Variants in PCDHGB1 observed in about 807,000 individuals in gnomAD.
PCDHGB1 encodes the protein protocadherin gamma subfamily B, 1.
Under a neutral mutation model 56.6 loss-of-function variants are expected in PCDHGB1, and 34 were observed. The observed-to-expected ratio is 0.60, with a 90% CI of 0.46 to 0.80. The LOEUF (loss-of-function observed/expected upper bound fraction) is 0.80. Among genes scored for constraint, PCDHGB1 ranks in the 30% least tolerant of loss-of-function variants. The probability of loss-of-function intolerance (pLI) is 0.00; values close to 1 mark genes in which losing one functional copy is unlikely to be tolerated. For synonymous variants in PCDHGB1, 561 were observed against 505.9 expected, an observed-to-expected ratio of 1.11 and a Z score of -1.46; for missense variants, 1,278 against 1,204.6, an observed-to-expected ratio of 1.06 and a Z score of -0.90.
Position 141,419,438 on chromosome 5 carries a change from A to G in PCDHGB1, c.2409+66769A>G, listed in dbSNP as rs764801455. On this transcript the variant is annotated intron_variant, in intron 1 of 3. Coordinates refer to ENST00000523390, the MANE Select transcript of PCDHGB1 (RefSeq NM_018922.3). ...CGCCTTCGACCACGAGCAGCTGCGC[A>G]CCTTCGAGCTCACGCTGCAGGCCCG... 8 of 1,613,138 alleles carry G rather than the reference A, an allele frequency of 5.0e-6. No homozygotes were observed. The highest frequency in any genetic ancestry group is 4.4e-5 in the South Asian group (4 of 91,044).
intron 1 of PCDHGB1, chr5:141,374,638 A>C (rs931155259): frequency 4.3e-6 from 7 of 1,612,946 alleles, no homozygotes; most frequent in Admixed American, 1.7e-5. Context: ...TGCAAAGCGA[A>C]GCCCATGGGC....
intron 1 of PCDHGB1, chr5:141,355,845 C>T (rs1479367504): frequency 1.2e-6 from 2 of 1,612,160 alleles, no homozygotes; most frequent in African/African-American, 2.7e-5. Context: ...TCACGGCCTT[C>T]GATGGAGGTG....
chr5:141,421,255 C>T lies in PCDHGB1; in HGVS notation c.2409+68586C>T, dbSNP rs759899934. On this transcript the variant is annotated intron_variant, in intron 1 of 3. Coordinates refer to ENST00000523390, the MANE Select transcript of PCDHGB1 (RefSeq NM_018922.3). ...GGCGAATCGGCTACAGCGCGGGGAC[C>T]GCAGTCGGCTGCTGCTGCTGCTGTG... 5.2e-5 allele frequency: 84 copies of T among 1,607,644 alleles called. No individual in the cohort carries two copies. Among genetic ancestry groups the T allele is most frequent in the Non-Finnish European group, 6.8e-5 (80 of 1,177,916 alleles).
At chr5:141,413,270 C>T (rs2095621736) in intron 1 of PCDHGB1, 5 of 1,613,924 alleles carry the variant, frequency 3.1e-6, no homozygotes, top group Non-Finnish European at 4.2e-6. Flanking sequence ...GAGGCTGGAG[C>T]CCGGCAGATC....
intron 1 of PCDHGB1, chr5:141,365,864 G>C (rs753111294): frequency 2.0e-5 from 32 of 1,613,886 alleles, no homozygotes; most frequent in Non-Finnish European, 8.5e-7. Context: ...CTCTGACACC[G>C]GTGTCCTGTA....
chr5:141,484,236 G>C (rs1272971014), intron 1 of PCDHGB1, among the ~76,000 whole-genome samples: 2 of 152,132 alleles, frequency 1.3e-5, no homozygotes, highest in Non-Finnish European at 2.9e-5. Context: ...AAGAGATCTG[G>C]TCCTTAGCAC....
At chr5:141,469,629 C>T (rs933972587) in intron 1 of PCDHGB1, among the ~76,000 whole-genome samples, 1 of 152,070 alleles carries the variant, frequency 6.6e-6, no homozygotes, top group Admixed American at 6.6e-5. Context: ...GTTTGTAGTT[C>T]CAAAATATTT....
rs766516627 is a variant in PCDHGB1 at position 141,398,178 on chromosome 5, C to G, written c.2409+45509C>G. The G allele has an allele frequency of 8.2e-6, 12 of 1,472,146 alleles. No individual in the cohort carries two copies. The South Asian group carries it at 8.4e-5, about 10-fold the overall frequency. The allele number at this position is 1,472,146 out of a possible 1,614,324, so 91.2% of individuals were successfully genotyped here. A position where few individuals can be genotyped will look rare whatever the true frequency, so the allele number is the denominator to read the frequency against. ...GCCGGGCTGAGAGGCTGCCAGTGCT[C>G]TTTCTCTTCCTGCTGTCTTTGTTCT... On this transcript the variant is annotated intron_variant, in intron 1 of 3. Coordinates refer to ENST00000523390, the MANE Select transcript of PCDHGB1 (RefSeq NM_018922.3).
intron 1 of PCDHGB1, chr5:141,376,511 A>T (rs1772759246): frequency 6.2e-7 from 1 of 1,613,966 alleles, no homozygotes; most frequent in Non-Finnish European, 8.5e-7. Flanking sequence ...ACTTCAGGTG[A>T]GTTTCTTTCC....
Position 141,489,267 on chromosome 5 carries a change from C to G in PCDHGB1, c.2410-5540C>G. 6.4e-7 allele frequency: 1 copy of G among 1,553,302 alleles called. No homozygotes were observed. Among genetic ancestry groups the G allele is most frequent in the Non-Finnish European group, 8.7e-7 (1 of 1,149,864 alleles). The stretch of plus-strand genomic sequence containing the variant: ...TGGGGCCCAAGACACTCCCACAGCT[C>G]GCTGGGAAATGGCAAGTGCTGTGCA... On this transcript the variant is annotated intron_variant, in intron 1 of 3. Coordinates refer to ENST00000523390, the MANE Select transcript of PCDHGB1 (RefSeq NM_018922.3). The surrounding 1 kb of genome is among the most constrained non-coding windows in gnomAD (Gnocchi z 4.5).
chr5:141,469,834 T>C (rs1228732202), intron 1 of PCDHGB1, among the ~76,000 whole-genome samples: 4 of 152,068 alleles, frequency 2.6e-5, no homozygotes, highest in African/African-American at 9.7e-5. Context: ...ACATAAAACT[T>C]ATTCTTAAGA....
intron 1 of PCDHGB1, among the ~76,000 whole-genome samples, chr5:141,447,688 G>A (rs188511217): frequency 1.4e-4 from 22 of 152,258 alleles, no homozygotes; most frequent in African/African-American, 4.3e-4. Context: ...TATCTTGATA[G>A]AGGGATGGGT....
chr5:141,389,818 G>A (rs778055680), intron 1 of PCDHGB1: 1 of 1,613,888 alleles, frequency 6.2e-7, no homozygotes, highest in Non-Finnish European at 8.5e-7. Flanking sequence ...GTCGCCGTGC[G>A]TGACGGTGGA....
Position 141,350,118 on chromosome 5 carries a change from T to C in PCDHGB1, c.-143T>C. The C allele has an allele frequency of 1.7e-6, 1 of 585,768 alleles. No homozygotes were observed. The highest frequency in any genetic ancestry group is 2.6e-6 in the Non-Finnish European group (1 of 377,780). The allele number at this position is 585,768 out of a possible 1,614,324, so 36.3% of individuals were successfully genotyped here. Reference sequence around the variant, plus strand: ...CAGGGTGCCTTCCTGCTTTGTCCGGTGCACTGAGCACAGACGCTGCTCCTG... The same window carrying C: ...CAGGGTGCCTTCCTGCTTTGTCCGGCGCACTGAGCACAGACGCTGCTCCTG... On this transcript the variant is annotated 5_prime_UTR_variant, in exon 1 of 4. Coordinates refer to ENST00000523390, the MANE Select transcript of PCDHGB1 (RefSeq NM_018922.3).
chr5:141,492,026 G>A, intron 1 of PCDHGB1: 1 of 567,198 alleles, frequency 1.8e-6, no homozygotes, highest in South Asian at 2.9e-5. Flanking sequence ...GGGGTCCCGG[G>A]AGGAGGCAGT....
chr5:141,456,321 G>A (rs2098849819), intron 1 of PCDHGB1, among the ~76,000 whole-genome samples: 1 of 152,154 alleles, frequency 6.6e-6, no homozygotes, highest in African/African-American at 2.4e-5. Context: ...GGCTCCTCCT[G>A]GGGTTGATCT....
At chr5:141,420,160 T>G in intron 1 of PCDHGB1, 1 of 1,614,044 alleles carries the variant, frequency 6.2e-7, no homozygotes, top group Non-Finnish European at 8.5e-7. Flanking sequence ...AATTTAATTT[T>G]TTCACATCTG....
chr5:141,355,505 G>A, intron 1 of PCDHGB1: 1 of 1,614,044 alleles, frequency 6.2e-7, no homozygotes, highest in Non-Finnish European at 8.5e-7. Flanking sequence ...TCTCCAAACT[G>A]TGTGACAAAC....
intron 1 of PCDHGB1, chr5:141,373,786 G>A: frequency 3.4e-6 from 1 of 289,890 alleles, no homozygotes; most frequent in Non-Finnish European, 6.3e-6. Flanking sequence ...AGATTTAGCA[G>A]AAATAAAATC....
Sources: gnomAD v4.1 joint callset for allele counts (sites outside exome capture counted in the v4.1 genomes callset) on GRCh38, gnomAD v4.1.1 for gene constraint, Gnocchi (gnomAD v3.1) non-coding constraint, MANE v1.5 for transcripts, NCBI Gene and HGNC (gene_info 2026-07-23, HGNC 2026-07-21) for gene names.